The following RALYL variants were observed in gnomAD, a reference collection of about 807,000 sequenced individuals.
RALYL encodes RALY RNA binding protein like, also known as RNA-binding Raly-like protein.
RALYL carries 29 observed loss-of-function variants against 35.1 expected under a neutral mutation model. The ratio of observed to expected loss-of-function variants is 0.83; its 90% CI spans 0.61 to 1.13. The LOEUF (loss-of-function observed/expected upper bound fraction) is 1.13. Ranked by LOEUF, RALYL falls within the 50% of genes most tolerant of loss-of-function variation. The pLI is 0.00. For missense variants in RALYL, 359 were observed against 360.4 expected (o/e 1.00, Z 0.03); for synonymous variants, 120 against 127.6 (o/e 0.94, Z 0.40).
chr8:84,524,576 A>G lies in RALYL; in HGVS notation c.-23-4723A>G, dbSNP rs539768086. Among the ~76,000 whole-genome samples the G allele has an allele frequency of 2.6e-5, 4 of 152,330 alleles. No individual in the cohort carries two copies. In the South Asian group the frequency reaches 8.3e-4, roughly 32 times the overall value. ...AATTCAAGACCACTAAATCAGCAGA[A>G]TGGTAGAGTTTACTAGCTGGTGATT... On this transcript the variant is annotated intron_variant, in intron 1 of 8. Transcript: ENST00000521268.
At chr8:84,803,763 A>G (rs1267438417) in intron 3 of RALYL, among the ~76,000 whole-genome samples, 1 of 152,246 alleles carries the variant, frequency 6.6e-6, no homozygotes, top group Non-Finnish European at 1.5e-5. Context: ...TTTTGCCTAC[A>G]CAGAATGAAA....
intron 6 of RALYL, among the ~76,000 whole-genome samples, chr8:84,867,507 A>G (rs1209619719): frequency 6.6e-6 from 1 of 152,228 alleles, no homozygotes; most frequent in East Asian, 1.9e-4. Context: ...GCTACAGTTC[A>G]GAGAAAATTA....
intron 2 of RALYL, among the ~76,000 whole-genome samples, chr8:84,641,819 CA>C (rs1215286268): frequency 6.9e-6 from 1 of 145,160 alleles, no homozygotes; most frequent in East Asian, 2.0e-4. Context: ...CTCATATACA[CA>C]AAGATTACTC....
intron 1 of RALYL, among the ~76,000 whole-genome samples, chr8:84,427,219 T>A (rs1161985872): frequency 1.3e-5 from 2 of 152,186 alleles, no homozygotes; most frequent in African/African-American, 4.8e-5. Context: ...GCATGTACCA[T>A]CATCGTTTGC....
intron 2 of RALYL, among the ~76,000 whole-genome samples, chr8:84,534,917 C>A (rs2059498993): frequency 6.6e-6 from 1 of 152,238 alleles, no homozygotes; most frequent in Non-Finnish European, 1.5e-5. Context: ...ATAATCCAAT[C>A]TTTAATAAGC....
intron 1 of RALYL, among the ~76,000 whole-genome samples, chr8:84,502,860 C>A (rs1483139057): frequency 1.3e-5 from 2 of 150,446 alleles, no homozygotes; most frequent in African/African-American, 4.9e-5. Context: ...ATTGAAATGC[C>A]CTTTTACTTT....
chr8:84,603,507 G>T (rs1012284039), intron 2 of RALYL, among the ~76,000 whole-genome samples: 12 of 151,910 alleles, frequency 7.9e-5, no homozygotes, highest in African/African-American at 2.7e-4. Context: ...AAAGGAGAGT[G>T]GGAAAAAGGC....
At chr8:84,414,501 A>G (rs1271403554) in intron 1 of RALYL, among the ~76,000 whole-genome samples, 1 of 152,210 alleles carries the variant, frequency 6.6e-6, no homozygotes, top group African/African-American at 2.4e-5. Context: ...GGTGTATAAT[A>G]TGGTTAGATC....
At chr8:84,838,315 T>G (rs1458736927) in intron 4 of RALYL, among the ~76,000 whole-genome samples, 1 of 152,018 alleles carries the variant, frequency 6.6e-6, no homozygotes, top group East Asian at 1.9e-4. Context: ...GAGAAAAGGA[T>G]CCCCTCCCCC....
At chr8:84,621,950 A>G (rs1821614453) in intron 2 of RALYL, among the ~76,000 whole-genome samples, 1 of 152,170 alleles carries the variant, frequency 6.6e-6, no homozygotes, top group Admixed American at 6.5e-5. Flanking sequence ...CTTTTATAAC[A>G]TTTGCTAATT....
intron 2 of RALYL, among the ~76,000 whole-genome samples, chr8:84,687,541 T>C (rs1364019016): frequency 6.6e-6 from 1 of 152,128 alleles, no homozygotes; most frequent in Non-Finnish European, 1.5e-5. Flanking sequence ...ATCTAAGTTT[T>C]ACAGTGACTT....
chr8:84,857,906 A>G (rs1414171596), intron 5 of RALYL, among the ~76,000 whole-genome samples: 3 of 152,144 alleles, frequency 2.0e-5, no homozygotes, highest in Non-Finnish European at 4.4e-5. Context: ...TAATAATAAC[A>G]AGTTCTTTTT....
At chr8:84,775,663 A>G (rs544129121) in intron 3 of RALYL, among the ~76,000 whole-genome samples, 47 of 152,292 alleles carry the variant, frequency 3.1e-4, no homozygotes, top group Admixed American at 9.2e-4. Context: ...GTCAGTGTCT[A>G]TATCTATGCG....
intron 6 of RALYL, among the ~76,000 whole-genome samples, chr8:84,872,278 A>T (rs1840327891): frequency 6.6e-6 from 1 of 152,190 alleles, no homozygotes; most frequent in Non-Finnish European, 1.5e-5. Flanking sequence ...AAGATTTAGG[A>T]TTAAATGCTC....
At chr8:84,495,139 C>A (rs1411194481) in intron 1 of RALYL, among the ~76,000 whole-genome samples, 1 of 152,088 alleles carries the variant, frequency 6.6e-6, no homozygotes, top group African/African-American at 2.4e-5. Context: ...CTCTTTTCTG[C>A]ATCTATTGAG....
At chr8:84,791,344 A>G (rs988542687) in intron 3 of RALYL, among the ~76,000 whole-genome samples, 15 of 152,190 alleles carry the variant, frequency 9.9e-5, no homozygotes, top group Admixed American at 6.5e-4. Flanking sequence ...AAGGATGCCA[A>G]TGTTTCTAGA....
At chr8:84,443,876 C>A (rs2048593628) in intron 1 of RALYL, among the ~76,000 whole-genome samples, 1 of 152,084 alleles carries the variant, frequency 6.6e-6, no homozygotes, top group Admixed American at 6.6e-5. Flanking sequence ...ATGATAGCAA[C>A]CTCCAGTGGC....
intron 2 of RALYL, among the ~76,000 whole-genome samples, chr8:84,590,760 T>C (rs1248741227): frequency 3.3e-5 from 5 of 152,192 alleles, no homozygotes; most frequent in African/African-American, 9.6e-5. Flanking sequence ...TGTATAACTA[T>C]GTCGGGAAAG....
At chr8:84,284,450 T>C (rs181264081) in intron 1 of RALYL, among the ~76,000 whole-genome samples, 1 of 152,300 alleles carries the variant, frequency 6.6e-6, no homozygotes, top group African/African-American at 2.4e-5. Context: ...TGGTGTTTTG[T>C]TAAACAAACT....
Sources: allele counts gnomAD v4.1 joint callset (sites outside exome capture counted in the v4.1 genomes callset), GRCh38; gene constraint gnomAD v4.1.1; transcripts MANE v1.5; gene names NCBI Gene and HGNC (gene_info 2026-07-23, HGNC 2026-07-21).